The following ITFG1 variants were observed in gnomAD, a reference collection of about 807,000 sequenced individuals.
ITFG1 encodes integrin alpha FG-GAP repeat containing 1, also known as T-cell immunomodulatory protein.
Under a neutral mutation model 81.8 loss-of-function variants are expected in ITFG1, and 34 were observed. The ratio of observed to expected loss-of-function variants is 0.42; its 90% confidence interval spans 0.32 to 0.55. The LOEUF is 0.55. ITFG1 is among the 20% of genes least tolerant of loss of function. The pLI, the probability that ITFG1 is intolerant of heterozygous loss-of-function variation, is 0.17. For synonymous variants in ITFG1, 285 were observed against 270.6 expected (o/e 1.05, Z -0.52); for missense variants, 672 against 755.4 (o/e 0.89, Z 1.29).
intron 7 of ITFG1, among the ~76,000 whole-genome samples, chr16:47,369,926 C>G (rs1308328960): frequency 1.4e-5 from 2 of 139,578 alleles, no homozygotes; most frequent in Non-Finnish European, 3.0e-5. Flanking sequence ...TCCAACTCCA[C>G]TTCCCGGGTT....
intron 14 of ITFG1, among the ~76,000 whole-genome samples, chr16:47,177,942 T>G (rs922007163): frequency 6.6e-6 from 1 of 152,192 alleles, no homozygotes; most frequent in Non-Finnish European, 1.5e-5. Flanking sequence ...TTGTACAATA[T>G]CATAATTTGA....
At chr16:47,455,531 G>A (rs1256476732) in intron 2 of ITFG1, among the ~76,000 whole-genome samples, 3 of 152,000 alleles carry the variant, frequency 2.0e-5, no homozygotes, top group African/African-American at 7.2e-5. Context: ...GGGAGGTGGA[G>A]GTGGAGGTGG....
At chr16:47,182,937 C>T (rs556716079) in intron 14 of ITFG1, among the ~76,000 whole-genome samples, 11 of 152,292 alleles carry the variant, frequency 7.2e-5, no homozygotes, top group South Asian at 2.1e-4. Context: ...GGAAGCAGGG[C>T]GAGCCATTGC....
intron 6 of ITFG1, among the ~76,000 whole-genome samples, chr16:47,400,733 CAAAGAGGTAGGGGAGG>C (rs1968651020): frequency 7.3e-6 from 1 of 137,306 alleles, no homozygotes; most frequent in African/African-American, 3.3e-5. Context: ...GTAGGGGAAG[CAAAGAGGTAGGGGAGG>C]ATCTGGGGCA....
intron 13 of ITFG1, among the ~76,000 whole-genome samples, chr16:47,231,988 T>C (rs151136930): frequency 5.9e-5 from 9 of 152,194 alleles, no homozygotes; most frequent in South Asian, 4.1e-4. Context: ...TGCCAGTGAT[T>C]TGAAGATGCA....
In ITFG1 at chr16:47,258,713, T is replaced by C. The variant is rs1966168530; in HGVS notation, c.1249A>G (p.Lys417Glu). Residue 417 changes from lysine (K) to glutamate (E), a missense_variant, in exon 12 of 18, where the codon AAA (lysine) becomes GAA (glutamate). Transcript: ENST00000320640. Reference protein sequence around the residue: ...DGILDIVVLSKGYTKNDFAIH... With the variant: ...DGILDIVVLSEGYTKNDFAIH... ...GCAAAATCATTCTTTGTATATCCTT[T>C]ACTTAGCACTACAATGTCCAAGATT... 2 of 1,543,942 alleles carry C rather than the reference T, an allele frequency of 1.3e-6. No individual in the cohort carries two copies. The highest frequency in any genetic ancestry group is 1.9e-5 in the Admixed American group (1 of 52,960).
At chr16:47,269,486 TAA>T (rs76159288) in intron 10 of ITFG1, among the ~76,000 whole-genome samples, 5 of 101,104 alleles carry the variant, frequency 4.9e-5, no homozygotes, top group Non-Finnish European at 5.9e-5. Context: ...CTGTCTCTAT[TAA>T]AAAAAAAAAA....
At chr16:47,250,274 C>A (rs976495750) in intron 12 of ITFG1, among the ~76,000 whole-genome samples, 15 of 151,774 alleles carry the variant, frequency 9.9e-5, no homozygotes, top group African/African-American at 3.6e-4. Context: ...TAAAAAAATA[C>A]AGAAACATAT....
intron 8 of ITFG1, among the ~76,000 whole-genome samples, chr16:47,320,041 C>T (rs1455901686): frequency 6.6e-6 from 1 of 152,190 alleles, no homozygotes; most frequent in African/African-American, 2.4e-5. Flanking sequence ...CCTGCCTTGG[C>T]TTCCCAAGTA....
At chr16:47,256,832 T>C (rs1307200444) in intron 12 of ITFG1, among the ~76,000 whole-genome samples, 1 of 152,242 alleles carries the variant, frequency 6.6e-6, no homozygotes. Flanking sequence ...TATTTATGCT[T>C]GTTTCAAAAC....
chr16:47,241,964 A>AG (rs1965940646), intron 12 of ITFG1, among the ~76,000 whole-genome samples: 1 of 151,812 alleles, frequency 6.6e-6, no homozygotes, highest in Non-Finnish European at 1.5e-5. Context: ...AAAAAAAAAA[A>AG]AAAAGAAAAA....
intron 13 of ITFG1, among the ~76,000 whole-genome samples, chr16:47,237,008 G>A (rs998305524): frequency 1.3e-5 from 2 of 152,166 alleles, no homozygotes; most frequent in East Asian, 1.9e-4. Context: ...TTCAAAAGCC[G>A]CGCCCCTCTG....
At chr16:47,292,686 G>C (rs966800731) in intron 10 of ITFG1, among the ~76,000 whole-genome samples, 1 of 152,114 alleles carries the variant, frequency 6.6e-6, no homozygotes, top group African/African-American at 2.4e-5. Flanking sequence ...CAAGTCTTCA[G>C]TGACTATTAT....
chr16:47,438,333 G>A (rs568152307), intron 5 of ITFG1, among the ~76,000 whole-genome samples: 1 of 152,346 alleles, frequency 6.6e-6, no homozygotes, highest in Non-Finnish European at 1.5e-5. Context: ...GCTTTGAAGA[G>A]AGTAGTGGTT....
intron 8 of ITFG1, among the ~76,000 whole-genome samples, chr16:47,330,346 C>A (rs989369610): frequency 1.3e-5 from 2 of 151,842 alleles, no homozygotes. Context: ...AATCCTAGAA[C>A]AAAACCTAGG....
chr16:47,226,266 G>T (rs564466719), intron 13 of ITFG1, among the ~76,000 whole-genome samples: 1 of 152,340 alleles, frequency 6.6e-6, no homozygotes, highest in South Asian at 2.1e-4. Context: ...CTGGAGTGCA[G>T]CGGTGCAATC....
chr16:47,199,718 T>C (rs994408541), intron 14 of ITFG1, among the ~76,000 whole-genome samples: 1 of 152,210 alleles, frequency 6.6e-6, no homozygotes, highest in Non-Finnish European at 1.5e-5. Flanking sequence ...AAGCACATTA[T>C]ATTTATTTTG....
chr16:47,231,865 T>C (rs1965819716), intron 13 of ITFG1, among the ~76,000 whole-genome samples: 1 of 152,224 alleles, frequency 6.6e-6, no homozygotes, highest in Non-Finnish European at 1.5e-5. Context: ...AAAAAGGACT[T>C]GGCAGATGTC....
chr16:47,293,988 T>C (rs1464223250), intron 10 of ITFG1, among the ~76,000 whole-genome samples: 1 of 152,112 alleles, frequency 6.6e-6, no homozygotes, highest in Non-Finnish European at 1.5e-5. Flanking sequence ...AGTATTTTTA[T>C]TATTTCAGAT....
Sources: gnomAD v4.1 joint callset for allele counts (sites outside exome capture counted in the v4.1 genomes callset) on GRCh38, gnomAD v4.1.1 for gene constraint, MANE v1.5 for transcripts, NCBI Gene and HGNC (gene_info 2026-07-23, HGNC 2026-07-21) for gene names.